SDK1: variants seen among roughly 807,000 people sequenced by gnomAD.
The protein encoded by SDK1 is protein sidekick-1.
In SDK1, 157 loss-of-function variants were observed where a neutral mutation model predicts 245.5. The ratio of observed to expected loss-of-function variants is 0.64; its 90% CI spans 0.56 to 0.73. The LOEUF is 0.73. SDK1 is among the 30% of genes least tolerant of loss of function. The pLI is 0.00. For missense variants in SDK1, 3,583 were observed against 3,002.3 expected (o/e 1.19, Z -4.52); for synonymous variants, 1,647 against 1,278.5 (o/e 1.29, Z -6.15).
At chr7:3,844,950 G>C (rs112098691) in intron 5 of SDK1, among the ~76,000 whole-genome samples, 122 of 152,272 alleles carry the variant, frequency 8.0e-4, no homozygotes, top group African/African-American at 2.8e-3. Context: ...TACTTTATTA[G>C]CTAGGATGTA....
At chr7:3,661,454 GT>G (rs1369162363) in intron 4 of SDK1, among the ~76,000 whole-genome samples, 1 of 152,148 alleles carries the variant, frequency 6.6e-6, no homozygotes, top group African/African-American at 2.4e-5. Flanking sequence ...GTCTAGTTGT[GT>G]AGTACCCCGC....
chr7:3,613,351 A>G (rs911497944), intron 1 of SDK1, among the ~76,000 whole-genome samples: 45 of 152,214 alleles, frequency 3.0e-4, no homozygotes, highest in African/African-American at 1.0e-3. Flanking sequence ...AACATTAAAT[A>G]CATTTACATT....
intron 28 of SDK1, among the ~76,000 whole-genome samples, chr7:4,141,272 G>A (rs974775644): frequency 1.3e-5 from 2 of 152,212 alleles, no homozygotes; most frequent in African/African-American, 4.8e-5. Context: ...TTGATAGAAA[G>A]GAGGGTCTGT....
intron 1 of SDK1, among the ~76,000 whole-genome samples, chr7:3,537,555 T>C (rs1459041473): frequency 2.0e-5 from 3 of 152,218 alleles, no homozygotes; most frequent in Admixed American, 1.3e-4. Flanking sequence ...CATGACTCTT[T>C]GGGGTTGAAA....
chr7:4,054,082 G>C (rs1486241184), intron 19 of SDK1, among the ~76,000 whole-genome samples: 3 of 151,710 alleles, frequency 2.0e-5, no homozygotes, highest in Non-Finnish European at 4.4e-5. Flanking sequence ...GGTATTACAG[G>C]CACCGGCCAC....
At chr7:3,933,543 C>T (rs750484946) in intron 5 of SDK1, among the ~76,000 whole-genome samples, 1 of 152,148 alleles carries the variant, frequency 6.6e-6, no homozygotes, top group African/African-American at 2.4e-5. Flanking sequence ...TAGTCTGTCA[C>T]TTGATGTTGG....
At chr7:3,336,088 C>A (rs147784559) in intron 1 of SDK1, among the ~76,000 whole-genome samples, 1 of 152,254 alleles carries the variant, frequency 6.6e-6, no homozygotes, top group Non-Finnish European at 1.5e-5. Flanking sequence ...TGAGAAGAGC[C>A]TGTTCCCCAT....
chr7:3,911,904 C>T (rs1351372108), intron 5 of SDK1, among the ~76,000 whole-genome samples: 1 of 152,104 alleles, frequency 6.6e-6, no homozygotes, highest in South Asian at 2.1e-4. Context: ...GGATAAAGTA[C>T]TCACCTTGCT....
chr7:3,379,564 C>CT (rs1259489046), intron 1 of SDK1, among the ~76,000 whole-genome samples: 1 of 152,132 alleles, frequency 6.6e-6, no homozygotes, highest in Non-Finnish European at 1.5e-5. Context: ...AGGACATTTA[C>CT]TATTGCTGTG....
rs749317254 is a variant in SDK1, at chr7:4,267,585, C to T, written c.*2201C>T. On this transcript the variant is annotated 3_prime_UTR_variant, in exon 45 of 45. Transcript: ENST00000404826. The stretch of plus-strand genomic sequence containing the variant: ...AGCGATAAATGGAGACCATGGCCAG[C>T]GCTGCTTTCTGTGCACTCTGATGAC... 5.5e-5 allele frequency: 54 copies of T among 985,354 alleles called. No individual in the cohort carries two copies. Among genetic ancestry groups the T allele is most frequent in the South Asian group, 4.7e-4 (10 of 21,292 alleles). 61.0% of individuals were successfully genotyped at this position (985,354 alleles called of 1,614,324 possible). A position where few individuals can be genotyped will look rare whatever the true frequency, so the allele number is the denominator to read the frequency against.
At chr7:3,842,521 C>T (rs936497034) in intron 5 of SDK1, among the ~76,000 whole-genome samples, 3 of 152,082 alleles carry the variant, frequency 2.0e-5, no homozygotes, top group Non-Finnish European at 2.9e-5. Flanking sequence ...CCAGTGACCA[C>T]GAGGTGCCTG....
intron 4 of SDK1, among the ~76,000 whole-genome samples, chr7:3,684,617 C>G (rs1054619162): frequency 2.0e-5 from 3 of 152,118 alleles, no homozygotes; most frequent in Non-Finnish European, 4.4e-5. Flanking sequence ...TTAGAACCAG[C>G]AGAATCACAA....
intron 10 of SDK1, among the ~76,000 whole-genome samples, chr7:3,968,454 T>G (rs769949025): frequency 3.2e-4 from 49 of 152,192 alleles, no homozygotes; most frequent in Non-Finnish European, 2.2e-4. Flanking sequence ...CCTGGCAGCT[T>G]CTCGACTCTC....
chr7:4,172,569 G>A (rs914600177), intron 32 of SDK1, among the ~76,000 whole-genome samples: 1 of 152,168 alleles, frequency 6.6e-6, no homozygotes, highest in African/African-American at 2.4e-5. Flanking sequence ...GAGAGAGTTT[G>A]GATTGCAAGG....
chr7:3,335,959 G>A (rs933617528), intron 1 of SDK1, among the ~76,000 whole-genome samples: 2 of 152,086 alleles, frequency 1.3e-5, no homozygotes, highest in African/African-American at 4.8e-5. Flanking sequence ...TAGAGTCCTG[G>A]GGACTTGAGA....
intron 5 of SDK1, among the ~76,000 whole-genome samples, chr7:3,943,415 C>T (rs1037700354): frequency 1.6e-4 from 1 of 6,142 alleles, no homozygotes; most frequent in Non-Finnish European, 3.4e-4. Flanking sequence ...CCGTCCTCCC[C>T]ATTTGTGCTT....
intron 17 of SDK1, among the ~76,000 whole-genome samples, chr7:4,032,820 T>C (rs1460607701): frequency 6.6e-6 from 1 of 152,200 alleles, no homozygotes; most frequent in East Asian, 1.9e-4. Flanking sequence ...TGGAAGTTAC[T>C]AGAGAAGGTG....
chr7:4,089,102 T>TCTCAGGCGGAGGTGAGACCCTCC, intron 22 of SDK1, among the ~76,000 whole-genome samples: 1 of 135,586 alleles, frequency 7.4e-6, no homozygotes, highest in East Asian at 2.0e-4. Flanking sequence ...TAAGACCCTC[T>TCTCAGGCGGAGGTGAGACCCTCC]CTCAGGCGGA....
intron 19 of SDK1, among the ~76,000 whole-genome samples, chr7:4,054,184 G>A (rs559029792): frequency 2.8e-4 from 42 of 152,142 alleles, no homozygotes; most frequent in Admixed American, 4.6e-4. Flanking sequence ...CAGGTGATCC[G>A]CACACCTCAG....
Sources: allele counts gnomAD v4.1 joint callset (sites outside exome capture counted in the v4.1 genomes callset), GRCh38; gene constraint gnomAD v4.1.1; transcripts MANE v1.5; gene names NCBI Gene and HGNC (gene_info 2026-07-23, HGNC 2026-07-21).